CHST11: variants seen among roughly 807,000 people sequenced by gnomAD.
CHST11 encodes C4S-1.
Under a neutral mutation model 30.4 loss-of-function variants are expected in CHST11, and 9 were observed. The observed-to-expected ratio is 0.30, with a 90% confidence interval of 0.18 to 0.52. The LOEUF (loss-of-function observed/expected upper bound fraction) is 0.52, where lower values mean the gene tolerates loss of function less well. Among genes scored for constraint, CHST11 ranks in the 20% least tolerant of loss-of-function variants. CHST11 has a pLI of 0.97. For missense variants in CHST11, 348 were observed against 460.6 expected (o/e 0.76, Z 2.24); for synonymous variants, 152 against 187.8 (o/e 0.81, Z 1.56).
chr12:104,566,744 C>T (rs2038571247), intron 1 of CHST11, among the ~76,000 whole-genome samples: 1 of 152,138 alleles, frequency 6.6e-6, no homozygotes, highest in Non-Finnish European at 1.5e-5. Context: ...CGGGAAATTA[C>T]AAACACCTAC....
chr12:104,732,139 C>T (rs780645635), intron 2 of CHST11, among the ~76,000 whole-genome samples: 4 of 152,232 alleles, frequency 2.6e-5, no homozygotes, highest in Non-Finnish European at 5.9e-5. Context: ...ATCAGTGGCT[C>T]AGAAGCAGGA....
chr12:104,643,971 G>A (rs1004516470), intron 2 of CHST11, among the ~76,000 whole-genome samples: 1 of 152,180 alleles, frequency 6.6e-6, no homozygotes, highest in Non-Finnish European at 1.5e-5. Context: ...GTTTAGGGGT[G>A]CAGTTAGCAA....
intron 2 of CHST11, among the ~76,000 whole-genome samples, chr12:104,667,479 C>T (rs956107676): frequency 1.3e-5 from 2 of 152,190 alleles, no homozygotes; most frequent in African/African-American, 4.8e-5. Flanking sequence ...AGTTTCATCC[C>T]AGTCCTTACC....
rs1055628280 is a variant in CHST11, at chr12:104,729,119, G to A, written c.205-27830G>A. ...CATTAGTTTCTGCAGTTGTTTTAAG[G>A]ATAACAGCAAGCAGGAAACAAAAGA... On this transcript the variant is annotated intron_variant, in intron 2 of 2. Transcript: ENST00000303694. The surrounding 1 kb of genome is among the most constrained non-coding windows in gnomAD (Gnocchi z 4.0). Among the ~76,000 whole-genome samples the A allele has an allele frequency of 6.6e-6, 1 of 152,074 alleles. No homozygotes were observed. The highest frequency in any genetic ancestry group is 2.1e-4 in the South Asian group (1 of 4,818).
intron 2 of CHST11, among the ~76,000 whole-genome samples, chr12:104,639,252 GTA>G (rs149619617): frequency 3.0e-4 from 45 of 152,296 alleles, no homozygotes; most frequent in Non-Finnish European, 5.0e-4. Flanking sequence ...ACATACTTGT[GTA>G]TTACAGGTTG....
chr12:104,494,172 C>G (rs892289235), intron 1 of CHST11, among the ~76,000 whole-genome samples: 2 of 152,172 alleles, frequency 1.3e-5, no homozygotes, highest in African/African-American at 4.8e-5. Flanking sequence ...CTTGGGACTA[C>G]AGGCTGGGTG....
chr12:104,631,143 C>T (rs1233207406), intron 2 of CHST11, among the ~76,000 whole-genome samples: 3 of 152,138 alleles, frequency 2.0e-5, no homozygotes, highest in Non-Finnish European at 4.4e-5. Flanking sequence ...AGAAGCAGCA[C>T]AGTGAGTCAA....
intron 1 of CHST11, among the ~76,000 whole-genome samples, chr12:104,583,178 G>A (rs1206485179): frequency 6.6e-6 from 1 of 152,044 alleles, no homozygotes; most frequent in East Asian, 1.9e-4. Context: ...GATAAAGATG[G>A]GACCTTGTCT....
At chr12:104,461,079 G>A (rs570974648) in intron 1 of CHST11, among the ~76,000 whole-genome samples, 13 of 152,290 alleles carry the variant, frequency 8.5e-5, no homozygotes, top group African/African-American at 3.1e-4. Flanking sequence ...TGCCAAGAAT[G>A]CCTGGTCAAT....
At chr12:104,651,661 A>G (rs1057295765) in intron 2 of CHST11, among the ~76,000 whole-genome samples, 22 of 152,162 alleles carry the variant, frequency 1.4e-4, no homozygotes, top group African/African-American at 5.3e-4. Flanking sequence ...ACCCAAGGCC[A>G]TTCTAGAAGG....
At chr12:104,481,043 A>G (rs1188417690) in intron 1 of CHST11, among the ~76,000 whole-genome samples, 3 of 152,214 alleles carry the variant, frequency 2.0e-5, no homozygotes, top group African/African-American at 4.8e-5. Context: ...GTGACTCAGC[A>G]GAGGTCACTT....
At chr12:104,658,303 A>AG (rs936764485) in intron 2 of CHST11, among the ~76,000 whole-genome samples, 37 of 152,370 alleles carry the variant, frequency 2.4e-4, no homozygotes, top group Admixed American at 1.1e-3. Flanking sequence ...CCATGAGAGA[A>AG]GGGGCTGTCC....
At chr12:104,489,581 T>A (rs1317280747) in intron 1 of CHST11, among the ~76,000 whole-genome samples, 1 of 152,072 alleles carries the variant, frequency 6.6e-6, no homozygotes, top group Non-Finnish European at 1.5e-5. Context: ...TGGGTTCAAG[T>A]GATTCTTCTG....
At chr12:104,636,942 C>T (rs2039328005) in intron 2 of CHST11, among the ~76,000 whole-genome samples, 1 of 151,844 alleles carries the variant, frequency 6.6e-6, no homozygotes, top group South Asian at 2.1e-4. Context: ...CACTGACTGT[C>T]ATCATCTGTA....
At chr12:104,524,793 G>A (rs1444664791) in intron 1 of CHST11, among the ~76,000 whole-genome samples, 1 of 152,206 alleles carries the variant, frequency 6.6e-6, no homozygotes, top group East Asian at 1.9e-4. Flanking sequence ...ACCTCAAGGA[G>A]CCTACAGTCT....
chr12:104,696,573 G>A (rs1001356636), intron 2 of CHST11, among the ~76,000 whole-genome samples: 1 of 151,684 alleles, frequency 6.6e-6, no homozygotes, highest in Non-Finnish European at 1.5e-5. Flanking sequence ...GGCTGAGGCA[G>A]GAGAATTGCT....
chr12:104,736,931 C>G (rs1177017611), intron 2 of CHST11, among the ~76,000 whole-genome samples: 1 of 152,206 alleles, frequency 6.6e-6, no homozygotes, highest in East Asian at 1.9e-4. Context: ...TGATAGAAAC[C>G]AAGTGTGGCT....
rs374656720 is a variant in CHST11, at chr12:104,676,141, G to A, written c.204+74150G>A. Among the ~76,000 whole-genome samples, 18 of 152,170 alleles carry A rather than the reference G, an allele frequency of 1.2e-4. No individual in the cohort carries two copies. Among genetic ancestry groups the A allele is most frequent in the East Asian group, 3.8e-4 (2 of 5,200 alleles). On this transcript the variant is annotated intron_variant, in intron 2 of 2. Transcript: ENST00000303694. The surrounding 1 kb of genome is among the most constrained non-coding windows in gnomAD (Gnocchi z 4.4). ...GAGATCAGCCTGCAGTTAGGGCACC[G>A]TATTGGTTTCCAATTGCTGCTGTAA...
At chr12:104,557,010 T>C (rs773023657) in intron 1 of CHST11, among the ~76,000 whole-genome samples, 2 of 151,870 alleles carry the variant, frequency 1.3e-5, no homozygotes, top group African/African-American at 4.8e-5. Context: ...GATTTCCCTC[T>C]TCTTGTAAGG....
Sources: allele counts gnomAD v4.1 joint callset (sites outside exome capture counted in the v4.1 genomes callset), GRCh38; gene constraint gnomAD v4.1.1; non-coding constraint Gnocchi (gnomAD v3.1); transcripts MANE v1.5; gene names NCBI Gene and HGNC (gene_info 2026-07-23, HGNC 2026-07-21).